The following GRIK1 variants were observed in gnomAD, a reference collection of about 807,000 sequenced individuals.
The protein encoded by GRIK1 is glutamate ionotropic receptor kainate type subunit 1.
Under a neutral mutation model 105.7 loss-of-function variants are expected in GRIK1, and 69 were observed. That is an observed-to-expected ratio of 0.65 (90% CI 0.54 to 0.80). The LOEUF is 0.80. Among genes scored for constraint, GRIK1 ranks in the 30% least tolerant of loss-of-function variants. The probability of loss-of-function intolerance (pLI) is 0.00; values close to 1 mark genes in which losing one functional copy is unlikely to be tolerated. For missense variants in GRIK1, 1,109 were observed against 1,167.3 expected (o/e 0.95, Z 0.73); for synonymous variants, 438 against 431.3 (o/e 1.02, Z -0.19).
chr21:29,654,895 G>A, intron 4 of GRIK1, 32 bp from the exon 5 acceptor site: 1 of 1,305,720 alleles, frequency 7.7e-7, no homozygotes, highest in Non-Finnish European at 1.1e-6. Context: ...AAAGAATCAG[G>A]AACAGAATTA....
intron 7 of GRIK1, among the ~76,000 whole-genome samples, chr21:29,619,123 C>CAA (rs35003722): frequency 8.6e-5 from 7 of 81,666 alleles, no homozygotes; most frequent in South Asian, 8.7e-4. Context: ...GAGACTCCGT[C>CAA]AAAAAAAAAA....
intron 7 of GRIK1, among the ~76,000 whole-genome samples, chr21:29,632,649 A>G (rs1183212103): frequency 1.1e-4 from 15 of 141,624 alleles, no homozygotes; most frequent in Non-Finnish European, 1.5e-5. Context: ...GTACACATAC[A>G]TACACACATA....
intron 5 of GRIK1, among the ~76,000 whole-genome samples, chr21:29,654,420 A>G (rs1488650236): frequency 6.6e-6 from 1 of 152,234 alleles, no homozygotes; most frequent in African/African-American, 2.4e-5. Flanking sequence ...TCTACTGGAC[A>G]CAGGCAGCAA....
intron 1 of GRIK1, among the ~76,000 whole-genome samples, chr21:29,736,628 T>G (rs1325708262): frequency 6.6e-6 from 1 of 152,184 alleles, no homozygotes; most frequent in Admixed American, 6.6e-5. Context: ...TACTTTAGAC[T>G]TTAACAATGC....
intron 1 of GRIK1, among the ~76,000 whole-genome samples, chr21:29,814,109 TAA>T (rs2067086529): frequency 4.8e-5 from 7 of 145,550 alleles, no homozygotes; most frequent in Admixed American, 4.2e-4. Context: ...ATAATAATAA[TAA>T]TAATTATTAT....
intron 2 of GRIK1, 107 bp downstream of exon 2, chr21:29,693,789 T>C (rs2063632671): frequency 2.5e-6 from 2 of 788,416 alleles, no homozygotes; most frequent in Admixed American, 2.2e-5. Context: ...CCGCGACCCA[T>C]TTGCACAAAG....
chr21:29,874,240 G>GTTAAA (rs891036275), intron 1 of GRIK1, among the ~76,000 whole-genome samples: 1 of 152,150 alleles, frequency 6.6e-6, no homozygotes, highest in African/African-American at 2.4e-5. Flanking sequence ...AAGTGGCCAT[G>GTTAAA]TTAAATGTTA....
chr21:29,903,473 G>T (rs181743384), intron 1 of GRIK1, among the ~76,000 whole-genome samples: 1 of 152,172 alleles, frequency 6.6e-6, no homozygotes, highest in East Asian at 1.9e-4. Flanking sequence ...AATGGTCAAA[G>T]AATATGAACA....
At chr21:29,588,811 C>T in intron 11 of GRIK1, 28 bp downstream of exon 11, 1 of 1,174,410 alleles carries the variant, frequency 8.5e-7, no homozygotes, top group Non-Finnish European at 1.3e-6. Context: ...TGCATATTTT[C>T]AGATATGTTA....
intron 1 of GRIK1, among the ~76,000 whole-genome samples, chr21:29,770,308 T>A (rs1397938506): frequency 1.3e-5 from 2 of 152,206 alleles, no homozygotes; most frequent in East Asian, 3.8e-4. Context: ...AATGCCCCAA[T>A]CTGCTTCTCC....
At chr21:29,817,882 C>T (rs2067195903) in intron 1 of GRIK1, among the ~76,000 whole-genome samples, 1 of 152,062 alleles carries the variant, frequency 6.6e-6, no homozygotes, top group African/African-American at 2.4e-5. Context: ...CATACCCAAC[C>T]CAATATTTAG....
intron 7 of GRIK1, among the ~76,000 whole-genome samples, chr21:29,627,263 T>C (rs1189904937): frequency 6.6e-6 from 1 of 152,242 alleles, no homozygotes; most frequent in African/African-American, 2.4e-5. Context: ...TGGTGGAAAG[T>C]ATTTTACTTA....
intron 1 of GRIK1, among the ~76,000 whole-genome samples, chr21:29,882,786 C>T (rs2069469773): frequency 6.6e-6 from 1 of 152,102 alleles, no homozygotes; most frequent in African/African-American, 2.4e-5. Flanking sequence ...TTTCTCCACA[C>T]ATGAAATTCT....
At chr21:29,789,180 C>T (rs896245550) in intron 1 of GRIK1, among the ~76,000 whole-genome samples, 1 of 152,208 alleles carries the variant, frequency 6.6e-6, no homozygotes, top group African/African-American at 2.4e-5. Context: ...AAGAACCACC[C>T]TTCCCCATAT....
chr21:29,782,469 C>T (rs2145785723), intron 1 of GRIK1, among the ~76,000 whole-genome samples: 1 of 152,268 alleles, frequency 6.6e-6, no homozygotes, highest in South Asian at 2.1e-4. Flanking sequence ...AAACACTTCA[C>T]AGATTCTTGA....
At chr21:29,933,129 T>C (rs2071631351) in intron 1 of GRIK1, among the ~76,000 whole-genome samples, 2 of 152,174 alleles carry the variant, frequency 1.3e-5, no homozygotes, top group Non-Finnish European at 2.9e-5. Context: ...TAAGTGTTTT[T>C]TTTTATTAAT....
intron 1 of GRIK1, among the ~76,000 whole-genome samples, chr21:29,918,500 T>C (rs187609279): frequency 5.1e-4 from 77 of 152,238 alleles, no homozygotes; most frequent in Middle Eastern, 3.4e-3. Flanking sequence ...GGCTCTTGAA[T>C]ATTTCAATAT....
At chr21:29,727,466 C>A (rs966546944) in intron 1 of GRIK1, among the ~76,000 whole-genome samples, 3 of 152,050 alleles carry the variant, frequency 2.0e-5, no homozygotes, top group Admixed American at 6.6e-5. Flanking sequence ...GAAACCACAC[C>A]TTTGCTCTTA....
intron 1 of GRIK1, among the ~76,000 whole-genome samples, chr21:29,925,108 T>C (rs1016678524): frequency 5.9e-5 from 9 of 152,242 alleles, no homozygotes; most frequent in African/African-American, 9.6e-5. Context: ...CATAGAGTTG[T>C]ATTGAGCATT....
Sources: allele counts gnomAD v4.1 joint callset (sites outside exome capture counted in the v4.1 genomes callset), GRCh38; gene constraint gnomAD v4.1.1; transcripts MANE v1.5; gene names NCBI Gene and HGNC (gene_info 2026-07-23, HGNC 2026-07-21).